Variants in IARS2 observed in about 807,000 individuals in gnomAD.
The protein encoded by IARS2 is isoleucine--tRNA ligase, mitochondrial.
In IARS2, 56 loss-of-function variants were observed where a neutral mutation model predicts 126.3. That is an observed-to-expected ratio of 0.44 (90% CI 0.36 to 0.55). The LOEUF (loss-of-function observed/expected upper bound fraction) is 0.55. Among genes scored for constraint, IARS2 ranks in the 20% least tolerant of loss-of-function variants. IARS2 has a pLI of 0.00. For missense variants in IARS2, 1,127 were observed against 1,245.9 expected, an observed-to-expected ratio of 0.90 and a Z score of 1.44; for synonymous variants, 407 against 441.1, an observed-to-expected ratio of 0.92 and a Z score of 0.97.
chr1:220,113,375 A>G (rs1656849883), intron 11 of IARS2, among the ~76,000 whole-genome samples: 1 of 152,170 alleles, frequency 6.6e-6, no homozygotes, highest in Non-Finnish European at 1.5e-5. Context: ...TCTGGTAGTT[A>G]CGGTGAGTGA....
At position 220,132,198 on chromosome 1, in the gene IARS2, G is replaced by A. The variant is rs113941708; in HGVS notation, c.1838-2204G>A. Among the ~76,000 whole-genome samples, 1,018 of 152,250 alleles carry A rather than the reference G, an allele frequency of 6.7e-3. 15 individuals carry two copies. The highest frequency in any genetic ancestry group is 0.023 in the African/African-American group (961 of 41,534). On this transcript the variant is annotated intron_variant, in intron 14 of 22. Coordinates refer to ENST00000366922, the MANE Select transcript of IARS2 (RefSeq NM_018060.4). ...TTGGTATCAGGGTAATGCTGGCTTTGTACAGTGATTTAAGAAGAGTTTCCT... is the reference window on the plus strand; with the variant it reads ...TTGGTATCAGGGTAATGCTGGCTTTATACAGTGATTTAAGAAGAGTTTCCT...
intron 13 of IARS2, among the ~76,000 whole-genome samples, chr1:220,126,083 G>A (rs540097775): frequency 6.7e-6 from 1 of 150,232 alleles, no homozygotes; most frequent in African/African-American, 2.5e-5. Flanking sequence ...CTCTAGCCTG[G>A]GCAACAGAGT....
chr1:220,122,090 CA>C, intron 12 of IARS2, among the ~76,000 whole-genome samples: 1 of 151,954 alleles, frequency 6.6e-6, no homozygotes, highest in East Asian at 1.9e-4. Flanking sequence ...CACCTTGTCT[CA>C]AAAAAATTAA....
chr1:220,109,329 G>A (rs572202900), intron 10 of IARS2, among the ~76,000 whole-genome samples: 14 of 151,696 alleles, frequency 9.2e-5, no homozygotes, highest in Non-Finnish European at 1.8e-4. Flanking sequence ...GAACCTGGGA[G>A]GCAGAGGTTG....
At position 220,106,027 on chromosome 1, in the gene IARS2, C is replaced by CCA. The variant is rs772116177; in HGVS notation, c.1203_1204insCA (p.Tyr402HisfsTer4). 9 of 1,614,096 alleles carry CCA rather than the reference C, an allele frequency of 5.6e-6. No homozygotes were observed. The highest frequency in any genetic ancestry group is 7.6e-6 in the Non-Finnish European group (9 of 1,179,956). The stretch of plus-strand genomic sequence containing the variant: ...CAGCCCCAGCTCATGGTATGGAAGA[C>CCA]TACGGTGTAGCGTCTCAGCACAACC... On this transcript the variant is annotated frameshift_variant, in exon 9 of 23. Transcript: ENST00000366922. LOFTEE classifies it high-confidence loss of function.
chr1:220,127,755 T>C (rs1277848045), intron 14 of IARS2, among the ~76,000 whole-genome samples: 1 of 152,238 alleles, frequency 6.6e-6, no homozygotes, highest in Non-Finnish European at 1.5e-5. Flanking sequence ...TTTAAGCCTT[T>C]CTTTCAGCTT....
intron 14 of IARS2, among the ~76,000 whole-genome samples, chr1:220,133,989 C>T (rs1657318592): frequency 6.6e-6 from 1 of 150,896 alleles, no homozygotes; most frequent in Admixed American, 6.6e-5. Flanking sequence ...TCACATGTCA[C>T]ATTTAACTGT....
chr1:220,143,362 A>G (rs1198306882), intron 21 of IARS2: 1 of 324,208 alleles, frequency 3.1e-6, no homozygotes, highest in Non-Finnish European at 5.6e-6. Context: ...AATTAAAAAA[A>G]AATTAATTTA....
chr1:220,143,220 T>G, intron 21 of IARS2, 86 bp downstream of exon 21: 1 of 860,458 alleles, frequency 1.2e-6, no homozygotes, highest in Non-Finnish European at 1.8e-6. Flanking sequence ...TCTAAATTAA[T>G]CAAATAACAT....
rs372244466 is a variant in IARS2, at chr1:220,114,500, G to A, written c.1640+26G>A. ...GTAGAATGCTTTCTAAAATTTTTTAGTGTTTTAAAGTGAAATATTTTTTCT... is the reference window on the plus strand; with the variant it reads ...GTAGAATGCTTTCTAAAATTTTTTAATGTTTTAAAGTGAAATATTTTTTCT... On this transcript the variant is annotated intron_variant, in intron 12 of 22. Transcript: ENST00000366922. 1.5e-5 allele frequency: 23 copies of A among 1,542,498 alleles called. No individual in the cohort carries two copies. In the African/African-American group the frequency reaches 2.9e-4, roughly 20 times the overall value.
At position 220,094,162 on chromosome 1, in the gene IARS2, G is replaced by C. The variant is rs968267750; in HGVS notation, c.-55G>C. 15 of 1,485,316 alleles carry C rather than the reference G, an allele frequency of 1.0e-5. No individual in the cohort carries two copies. The East Asian group carries it at 3.1e-4, about 31-fold the overall frequency. The allele number at this position is 1,485,316 out of a possible 1,614,324, so 92.0% of individuals were successfully genotyped here. ...GCTCCCCTTGGTTTCCTGGGGTCCT[G>C]CCCCTTCAAGCTGGGGCGGGAGCGG... On this transcript the variant is annotated 5_prime_UTR_variant, in exon 1 of 23. Coordinates refer to ENST00000366922, the MANE Select transcript of IARS2 (RefSeq NM_018060.4).
chr1:220,144,422 A>G (rs1057219192), intron 21 of IARS2: 6 of 549,640 alleles, frequency 1.1e-5, no homozygotes, highest in African/African-American at 9.5e-5. Context: ...TCTAAAAAAC[A>G]TCCATCTTAT....
chr1:220,147,754 TGGA>T lies in IARS2; in HGVS notation c.*123_*125del. The T allele has an allele frequency of 1.0e-6, 1 of 959,798 alleles. No individual in the cohort carries two copies. The highest frequency in any genetic ancestry group is 1.6e-6 in the Non-Finnish European group (1 of 640,196). The allele number at this position is 959,798 out of a possible 1,614,324, so 59.5% of individuals were successfully genotyped here. On this transcript the variant is annotated 3_prime_UTR_variant, in exon 23 of 23. Coordinates refer to ENST00000366922, the MANE Select transcript of IARS2 (RefSeq NM_018060.4). Reference sequence around the variant, plus strand: ...AGGTAATGAGTGGATGAGTAAATGGTGGAGGATGGGAGTCAAAATCAGAATTAT... The same window carrying T: ...AGGTAATGAGTGGATGAGTAAATGGTGGATGGGAGTCAAAATCAGAATTAT...
At chr1:220,099,126 CACTTGAACCTGGGAGGCAG>C (rs1656511820) in intron 2 of IARS2, among the ~76,000 whole-genome samples, 1 of 150,544 alleles carries the variant, frequency 6.6e-6, no homozygotes, top group Admixed American at 6.7e-5. Context: ...GCAGGAGAAT[CACTTGAACCTGGGAGGCAG>C]AGGTTGCAGT....
chr1:220,126,292 A>G (rs1043555707), intron 13 of IARS2, among the ~76,000 whole-genome samples: 4 of 152,000 alleles, frequency 2.6e-5, no homozygotes, highest in Admixed American at 2.0e-4. Flanking sequence ...AAACAAATCA[A>G]AAAGTGTAGT....
chr1:220,114,391 T>C lies in IARS2; in HGVS notation c.1557T>C (p.Tyr519=), dbSNP rs1022668350. 1 of 1,613,836 alleles carries C rather than the reference T, an allele frequency of 6.2e-7. No individual in the cohort carries two copies. The highest frequency in any genetic ancestry group is 8.5e-7 in the Non-Finnish European group (1 of 1,179,718). Residue 519 remains tyrosine (Y), a synonymous_variant, in exon 12 of 23, where the codon TAT becomes TAC. Coordinates refer to ENST00000366922, the MANE Select transcript of IARS2 (RefSeq NM_018060.4). ...TTGAAATGATGGACAGGCGGCCATA[T>C]TGGTGTATATCAAGGCAAAGAGTTT... ...GMVEMMDRRP[Y]WCISRQRVWG...
intron 12 of IARS2, among the ~76,000 whole-genome samples, chr1:220,115,915 T>C (rs193179413): frequency 2.0e-5 from 3 of 152,176 alleles, no homozygotes; most frequent in Non-Finnish European, 4.4e-5. Context: ...GAGCTATTCA[T>C]GTATTCACTT....
At chr1:220,125,157 C>G (rs906416026) in intron 12 of IARS2, 80 bp from the exon 13 acceptor site, 4 of 767,978 alleles carry the variant, frequency 5.2e-6, no homozygotes, top group Middle Eastern at 2.5e-4. Context: ...GAAAATAAAT[C>G]ACTATTTCTT....
chr1:220,129,675 A>C (rs924021770), intron 14 of IARS2, among the ~76,000 whole-genome samples: 3 of 152,152 alleles, frequency 2.0e-5, no homozygotes, highest in Non-Finnish European at 2.9e-5. Flanking sequence ...GTTGCTGCTG[A>C]TGACAGAATT....
Sources: gnomAD v4.1 joint callset for allele counts (sites outside exome capture counted in the v4.1 genomes callset) on GRCh38, gnomAD v4.1.1 for gene constraint, MANE v1.5 for transcripts, NCBI Gene and HGNC (gene_info 2026-07-23, HGNC 2026-07-21) for gene names.